Variants in GALNT18 observed in about 807,000 individuals in gnomAD.
GALNT18 encodes GalNAc-transferase 18.
GALNT18 carries 44 observed loss-of-function variants against 69.5 expected under a neutral mutation model. The observed-to-expected ratio is 0.63, with a 90% CI of 0.50 to 0.81. GALNT18 has a LOEUF of 0.81. Ranked by LOEUF, GALNT18 falls within the 40% of genes least tolerant of loss-of-function variation. The pLI, the probability that GALNT18 is intolerant of heterozygous loss-of-function variation, is 0.00. For missense variants in GALNT18, 715 were observed against 810.0 expected, an observed-to-expected ratio of 0.88 and a Z score of 1.42; for synonymous variants, 364 against 318.2, an observed-to-expected ratio of 1.14 and a Z score of -1.53.
rs535557848 is a variant in GALNT18 at position 11,408,989 on chromosome 11, C to T, written c.595+23632G>A. ...CACAGACACATATGTGCGTCCTAAT[C>T]ACCAACTCCTCCAACTTTGACGTGG... On this transcript the variant is annotated intron_variant, in intron 3 of 10. Transcript: ENST00000227756. Among the ~76,000 whole-genome samples the T allele has an allele frequency of 2.6e-5, 4 of 152,310 alleles. No homozygotes were observed. The East Asian group carries it at 5.8e-4, about 22-fold the overall frequency.
intron 3 of GALNT18, among the ~76,000 whole-genome samples, chr11:11,386,428 T>A (rs570586835): frequency 4.0e-5 from 5 of 124,418 alleles, no homozygotes; most frequent in African/African-American, 1.0e-4. Flanking sequence ...AAAGCTAAAC[T>A]AAGACAGTTG....
chr11:11,574,338 G>T (rs1270899009), intron 1 of GALNT18, among the ~76,000 whole-genome samples: 1 of 152,190 alleles, frequency 6.6e-6, no homozygotes, highest in Non-Finnish European at 1.5e-5. Flanking sequence ...GGTCAAATCT[G>T]CTCCCTAGAC....
At chr11:11,348,969 C>T (rs1349879854) in intron 6 of GALNT18, among the ~76,000 whole-genome samples, 2 of 152,176 alleles carry the variant, frequency 1.3e-5, no homozygotes, top group African/African-American at 4.8e-5. Flanking sequence ...TTGGCAGTAC[C>T]TTAGAAACCT....
intron 9 of GALNT18, among the ~76,000 whole-genome samples, chr11:11,301,786 T>C (rs773619889): frequency 2.0e-5 from 3 of 152,078 alleles, no homozygotes; most frequent in East Asian, 3.9e-4. Flanking sequence ...GGCCTGGGCA[T>C]TGGGAAAGCA....
chr11:11,597,996 T>C (rs955416059), intron 1 of GALNT18, among the ~76,000 whole-genome samples: 1 of 152,140 alleles, frequency 6.6e-6, no homozygotes, highest in African/African-American at 2.4e-5. Flanking sequence ...TGTCAGTCTA[T>C]CTAAAGTTCT....
chr11:11,458,094 C>T (rs1206588007), intron 1 of GALNT18, among the ~76,000 whole-genome samples: 1 of 152,168 alleles, frequency 6.6e-6, no homozygotes, highest in African/African-American at 2.4e-5. Flanking sequence ...GCACTGGGGA[C>T]CCCTTCCCTC....
At chr11:11,530,139 A>C (rs1032754925) in intron 1 of GALNT18, among the ~76,000 whole-genome samples, 1 of 152,136 alleles carries the variant, frequency 6.6e-6, no homozygotes, top group Non-Finnish European at 1.5e-5. Flanking sequence ...TGATGCCTCT[A>C]GTAAGGAGGC....
chr11:11,585,941 T>C (rs1287502066), intron 1 of GALNT18, among the ~76,000 whole-genome samples: 1 of 151,794 alleles, frequency 6.6e-6, no homozygotes, highest in Non-Finnish European at 1.5e-5. Context: ...GGTGATTTGG[T>C]CATGAGGGTA....
chr11:11,352,691 G>A (rs1444057162), intron 6 of GALNT18: 3 of 1,613,876 alleles, frequency 1.9e-6, no homozygotes, highest in Non-Finnish European at 2.5e-6. Context: ...AATAATCCAG[G>A]GCCTTCAGAA....
chr11:11,513,161 G>A (rs1857198137), intron 1 of GALNT18, among the ~76,000 whole-genome samples: 1 of 152,194 alleles, frequency 6.6e-6, no homozygotes, highest in Non-Finnish European at 1.5e-5. Context: ...CTGGGCTCAA[G>A]TCCAAACTTG....
intron 6 of GALNT18, chr11:11,352,132 C>G: frequency 6.2e-7 from 1 of 1,613,500 alleles, no homozygotes; most frequent in Non-Finnish European, 8.5e-7. Flanking sequence ...CGAGCCTGGT[C>G]CTTCACAACA....
chr11:11,526,733 G>T lies in GALNT18; in HGVS notation c.236-77797C>A, dbSNP rs531220244. Among the ~76,000 whole-genome samples, 68 of 152,220 alleles carry T rather than the reference G, an allele frequency of 4.5e-4. 1 individual carries two copies. The highest frequency in any genetic ancestry group is 1.0e-3 in the Admixed American group (16 of 15,286). ...GAATACCTGTACCATTGACCATTGAGCATATATTGGCTCTTAAATTTTCCA... is the reference window on the plus strand; with the variant it reads ...GAATACCTGTACCATTGACCATTGATCATATATTGGCTCTTAAATTTTCCA... On this transcript the variant is annotated intron_variant, in intron 1 of 10. Transcript: ENST00000227756.
chr11:11,432,657 T>G lies in GALNT18; in HGVS notation c.559A>C (p.Lys187Gln). The change falls in exon 3 of 11, where the codon AAG becomes CAG. Residue 187 changes from lysine (K) to glutamine (Q), a missense_variant. Coordinates refer to ENST00000227756, the MANE Select transcript of GALNT18 (RefSeq NM_198516.3). This position sits in a 1 kb window ranked among gnomAD's most constrained non-coding sequence, Gnocchi z 5.8. ...AMERTPPHLL[K>Q]EIILVDDNSS... ...TTGTCATCCACCAGAATGATCTCCT[T>G]GAGCAGATGTGGGGGCGTGCGTTCC... is the stretch of plus-strand genomic sequence containing the variant. The G allele has an allele frequency of 1.2e-6, 2 of 1,611,676 alleles. No individual in the cohort carries two copies. The highest frequency in any genetic ancestry group is 1.7e-6 in the Non-Finnish European group (2 of 1,179,002).
intron 9 of GALNT18, among the ~76,000 whole-genome samples, chr11:11,306,629 T>G (rs954717707): frequency 3.3e-5 from 5 of 152,212 alleles, no homozygotes; most frequent in Non-Finnish European, 5.9e-5. Flanking sequence ...CTAAGGCCAT[T>G]CATATTGGGG....
chr11:11,485,029 G>A (rs979172844), intron 1 of GALNT18, among the ~76,000 whole-genome samples: 4 of 152,166 alleles, frequency 2.6e-5, no homozygotes, highest in African/African-American at 4.8e-5. Context: ...CCAAGCCATC[G>A]GTGACATGTG....
At chr11:11,460,844 G>A (rs998647074) in intron 1 of GALNT18, among the ~76,000 whole-genome samples, 12 of 152,088 alleles carry the variant, frequency 7.9e-5, no homozygotes, top group Admixed American at 1.3e-4. Context: ...TGGGGAGGGG[G>A]GATTCAGAAC....
At chr11:11,506,462 A>C (rs1343792447) in intron 1 of GALNT18, among the ~76,000 whole-genome samples, 2 of 152,182 alleles carry the variant, frequency 1.3e-5, no homozygotes, top group Non-Finnish European at 2.9e-5. Context: ...TGAGGGGGAC[A>C]AGGAAAAGCA....
At chr11:11,297,372 T>C (rs1260024886) in intron 9 of GALNT18, among the ~76,000 whole-genome samples, 1 of 152,176 alleles carries the variant, frequency 6.6e-6, no homozygotes, top group Non-Finnish European at 1.5e-5. Context: ...TCCCTTACCT[T>C]ACAGACGAGA....
intron 2 of GALNT18, among the ~76,000 whole-genome samples, chr11:11,433,015 T>C (rs965875001): frequency 1.3e-5 from 2 of 152,268 alleles, no homozygotes; most frequent in African/African-American, 2.4e-5. Flanking sequence ...TCAGTGACTA[T>C]GCCAGCTGAA....
Sources: gnomAD v4.1 joint callset for allele counts (sites outside exome capture counted in the v4.1 genomes callset) on GRCh38, gnomAD v4.1.1 for gene constraint, Gnocchi (gnomAD v3.1) non-coding constraint, MANE v1.5 for transcripts, NCBI Gene and HGNC (gene_info 2026-07-23, HGNC 2026-07-21) for gene names.